HDGF: variants seen among roughly 807,000 people sequenced by gnomAD.
HDGF encodes the protein hepatoma-derived growth factor.
In HDGF, 5 loss-of-function variants were observed where a neutral mutation model predicts 30.0. The ratio of observed to expected loss-of-function variants is 0.17; its 90% confidence interval spans 0.09 to 0.35. The LOEUF is 0.35. Among genes scored for constraint, HDGF ranks in the 10% least tolerant of loss-of-function variants. The pLI is 1.00. For synonymous variants in HDGF, 133 were observed against 112.7 expected, an observed-to-expected ratio of 1.18 and a Z score of -1.14; for missense variants, 214 against 302.8, an observed-to-expected ratio of 0.71 and a Z score of 2.18.
At chr1:156,748,056 G>T (rs1650710891) in intron 1 of HDGF, among the ~76,000 whole-genome samples, 1 of 152,114 alleles carries the variant, frequency 6.6e-6, no homozygotes, top group Non-Finnish European at 1.5e-5. Flanking sequence ...CATAAAGGAT[G>T]GGTCTAGAGG....
chr1:156,751,241 G>GC lies in HDGF; in HGVS notation c.87+101dup. 7.2e-7 allele frequency: 1 copy of GC among 1,383,992 alleles called. No homozygotes were observed. The highest frequency in any genetic ancestry group is 9.5e-7 in the Non-Finnish European group (1 of 1,048,618). 85.7% of individuals were successfully genotyped at this position (1,383,992 alleles called of 1,614,324 possible). On this transcript the variant is annotated intron_variant, in intron 1 of 5. Coordinates refer to ENST00000357325, the MANE Select transcript of HDGF (RefSeq NM_004494.3). This position sits in a 1 kb window ranked among gnomAD's most constrained non-coding sequence, Gnocchi z 4.7. ...AGAGCCGGAGACCTACAAGCCCCCT[G>GC]CCCCCACCTCTGCCCGCTCCGCGCG...
At chr1:156,752,529 C>A (rs2102732520), upstream of HDGF, 1 of 630,368 alleles carries the variant, frequency 1.6e-6, no homozygotes, top group Non-Finnish European at 2.8e-6. Flanking sequence ...TACCTCTTTT[C>A]GGAGGTGGGG....
chr1:156,760,900 A>G (rs1451349477), intron 1 of HDGF, among the ~76,000 whole-genome samples: 1 of 151,002 alleles, frequency 6.6e-6, no homozygotes, highest in East Asian at 1.9e-4. Context: ...CCAAAATAAG[A>G]TTATATCAAG....
intron 2 of HDGF, 32 bp from the exon 3 acceptor site, chr1:156,745,178 C>A (rs779152448): frequency 6.2e-7 from 1 of 1,613,706 alleles, no homozygotes; most frequent in Non-Finnish European, 8.5e-7. Context: ...TGCTCTCAAG[C>A]CCCTCACTGC....
intron 2 of HDGF, among the ~76,000 whole-genome samples, chr1:156,757,786 C>CAAAAAAAAA (rs60308399): frequency 1.2e-5 from 1 of 85,334 alleles, no homozygotes. Flanking sequence ...GACTCTGTCT[C>CAAAAAAAAA]AAAAAAAAAA....
Position 156,751,635 on chromosome 1 carries a change from C to G in HDGF, c.-206G>C, listed in dbSNP as rs1331320888. 2.0e-6 allele frequency: 2 copies of G among 996,524 alleles called. No individual in the cohort carries two copies. The highest frequency in any genetic ancestry group is 2.4e-6 in the Non-Finnish European group (2 of 838,166). The allele number at this position is 996,524 out of a possible 1,614,324, so 61.7% of individuals were successfully genotyped here. A position where few individuals can be genotyped will look rare whatever the true frequency, so the allele number is the denominator to read the frequency against. On this transcript the variant is annotated 5_prime_UTR_variant, in exon 1 of 6. Coordinates refer to ENST00000357325, the MANE Select transcript of HDGF (RefSeq NM_004494.3). The surrounding 1 kb of genome is among the most constrained non-coding windows in gnomAD (Gnocchi z 4.7). ...GGCGGGCGCGGATCGGGGCAAGGCT[C>G]CGGCGCGGTGGGTGCGCGCTCGTGC...
chr1:156,743,915 G>C lies in HDGF; in HGVS notation c.490-37C>G, dbSNP rs73002719. 6 of 1,510,050 alleles carry C rather than the reference G, an allele frequency of 4.0e-6. No homozygotes were observed. The South Asian group carries it at 5.6e-5, about 14-fold the overall frequency. The allele number at this position is 1,510,050 out of a possible 1,614,324, so 93.5% of individuals were successfully genotyped here. A position where few individuals can be genotyped will look rare whatever the true frequency, so the allele number is the denominator to read the frequency against. On this transcript the variant is annotated intron_variant, in intron 4 of 5. Transcript: ENST00000357325. The stretch of plus-strand genomic sequence containing the variant: ...CAACAGAGGAAGTGGGCTGAGGCTG[G>C]AGAGGGAGGCCACCAGCCACCCACT...
rs371351006 is a variant in HDGF at position 156,744,355 on chromosome 1, C to T, written c.304-7G>A. ...AGCTCTTTTTCTGGGAGGACTGCAG[C>T]AGAGACAGCACAGGCTGAGTGGCAC... On this transcript the variant is annotated splice_region_variant and splice_polypyrimidine_tract_variant and intron_variant, in intron 3 of 5. Coordinates refer to ENST00000357325, the MANE Select transcript of HDGF (RefSeq NM_004494.3). The T allele has an allele frequency of 3.1e-6, 5 of 1,613,602 alleles. No homozygotes were observed. In the African/African-American group the frequency reaches 6.7e-5, roughly 22 times the overall value.
chr1:156,749,910 C>A (rs573028397), intron 1 of HDGF, among the ~76,000 whole-genome samples: 1 of 152,316 alleles, frequency 6.6e-6, no homozygotes, highest in African/African-American at 2.4e-5. Context: ...GCATCTGGGC[C>A]AAGAAGCCAG....
intron 1 of HDGF, among the ~76,000 whole-genome samples, chr1:156,750,310 T>TG (rs1288789346): frequency 6.6e-6 from 1 of 152,036 alleles, no homozygotes; most frequent in Non-Finnish European, 1.5e-5. Context: ...TACACCAACT[T>TG]TAAGTTGCCA....
chr1:156,760,537 C>A (rs1433887262), intron 1 of HDGF, among the ~76,000 whole-genome samples: 1 of 152,184 alleles, frequency 6.6e-6, no homozygotes, highest in Non-Finnish European at 1.5e-5. Context: ...GGGCTCAGGG[C>A]TTCACTCATT....
At chr1:156,746,299 T>G (rs1178554431) in intron 1 of HDGF, among the ~76,000 whole-genome samples, 1 of 152,142 alleles carries the variant, frequency 6.6e-6, no homozygotes, top group Non-Finnish European at 1.5e-5. Flanking sequence ...GCACGGTGCT[T>G]AGCATACAGT....
chr1:156,747,143 C>T (rs963630639), intron 1 of HDGF, among the ~76,000 whole-genome samples: 2 of 150,524 alleles, frequency 1.3e-5, no homozygotes, highest in African/African-American at 4.9e-5. Flanking sequence ...GGTGGAAAGG[C>T]ACGCAGTTCC....
At chr1:156,759,084 A>G (rs1651201166) in exon 2 of HDGF, 1 of 152,078 alleles carries the variant, frequency 6.6e-6, no homozygotes, top group Non-Finnish European at 1.5e-5. Flanking sequence ...GGCTCCTTGG[A>G]CCTCAAAGGA....
chr1:156,757,266 C>T (rs1385792415), upstream of HDGF, among the ~76,000 whole-genome samples: 1 of 149,002 alleles, frequency 6.7e-6, no homozygotes, highest in Non-Finnish European at 1.5e-5. Flanking sequence ...AGTTGAAGAC[C>T]AGCCTGACCA....
At chr1:156,745,736 C>T (rs567976591) in intron 1 of HDGF, among the ~76,000 whole-genome samples, 25 of 152,306 alleles carry the variant, frequency 1.6e-4, no homozygotes, top group African/African-American at 6.0e-4. Context: ...CCAAGGATTT[C>T]GTCCCCTTGC....
Position 156,743,855 on chromosome 1 carries a change from C to T in HDGF, c.513G>A (p.Glu171=). 6.2e-7 allele frequency: 1 copy of T among 1,613,534 alleles called. No individual in the cohort carries two copies. The highest frequency in any genetic ancestry group is 8.5e-7 in the Non-Finnish European group (1 of 1,179,680). ...LLEDSPKRPK[E]AENPEGEEKE... ...TCTCCTCTCCTTCAGGGTTTTCTGC[C>T]TCCTTGGGACGTTTAGGAGAGTCCT... Residue 171 remains glutamate (E), a synonymous_variant, in exon 5 of 6, where the codon GAG becomes GAA. Coordinates refer to ENST00000357325, the MANE Select transcript of HDGF (RefSeq NM_004494.3).
Position 156,751,642 on chromosome 1 carries a change from G to C in HDGF, c.-213C>G. The C allele has an allele frequency of 6.0e-6, 6 of 999,480 alleles. No homozygotes were observed. The highest frequency in any genetic ancestry group is 7.1e-6 in the Non-Finnish European group (6 of 840,034). The allele number at this position is 999,480 out of a possible 1,614,324, so 61.9% of individuals were successfully genotyped here. ...GCGGATCGGGGCAAGGCTCCGGCGCGGTGGGTGCGCGCTCGTGCAGTTGTT... is the reference window on the plus strand; with the variant it reads ...GCGGATCGGGGCAAGGCTCCGGCGCCGTGGGTGCGCGCTCGTGCAGTTGTT... On this transcript the variant is annotated 5_prime_UTR_variant, in exon 1 of 6. Transcript: ENST00000357325. This position sits in a 1 kb window ranked among gnomAD's most constrained non-coding sequence, Gnocchi z 4.7.
chr1:156,762,301 G>A (rs935838841), intron 1 of HDGF, among the ~76,000 whole-genome samples: 3 of 149,660 alleles, frequency 2.0e-5, no homozygotes, highest in African/African-American at 7.4e-5. Context: ...CCTGTAATCC[G>A]AGCACTTTGG....
Sources: gnomAD v4.1 joint callset for allele counts (sites outside exome capture counted in the v4.1 genomes callset) on GRCh38, gnomAD v4.1.1 for gene constraint, Gnocchi (gnomAD v3.1) non-coding constraint, MANE v1.5 for transcripts, NCBI Gene and HGNC (gene_info 2026-07-23, HGNC 2026-07-21) for gene names.